AHCYL1: variants seen among roughly 807,000 people sequenced by gnomAD.
AHCYL1 encodes adenosylhomocysteinase like 1, also known as S-adenosylhomocysteine hydrolase-like protein 1.
A neutral mutation model predicts 79.3 loss-of-function variants in AHCYL1; 20 were observed. That is an observed-to-expected ratio of 0.25 (90% CI 0.18 to 0.37). The LOEUF (loss-of-function observed/expected upper bound fraction) is 0.37. AHCYL1 is among the 10% of genes least tolerant of loss of function. The pLI is 1.00. For missense variants in AHCYL1, 330 were observed against 673.6 expected (o/e 0.49, Z 5.65); for synonymous variants, 223 against 242.2 (o/e 0.92, Z 0.74).
chr1:109,999,666 A>G (rs1255685972), intron 1 of AHCYL1, among the ~76,000 whole-genome samples: 1 of 152,236 alleles, frequency 6.6e-6, no homozygotes. Context: ...AGTAGTCAGA[A>G]AGGTGGTACC....
At chr1:109,998,372 G>C (rs1356277531) in intron 1 of AHCYL1, among the ~76,000 whole-genome samples, 2 of 152,118 alleles carry the variant, frequency 1.3e-5, no homozygotes, top group East Asian at 3.9e-4. Flanking sequence ...TGTAATGCTA[G>C]CACTTTGGGA....
intron 1 of AHCYL1, among the ~76,000 whole-genome samples, chr1:110,005,249 G>T (rs1650570504): frequency 6.6e-6 from 1 of 152,134 alleles, no homozygotes; most frequent in African/African-American, 2.4e-5. Flanking sequence ...TTTGAATCTA[G>T]TTCTTGACAC....
chr1:109,993,156 T>G (rs1247639556), intron 1 of AHCYL1, among the ~76,000 whole-genome samples: 2 of 152,236 alleles, frequency 1.3e-5, no homozygotes, highest in Non-Finnish European at 2.9e-5. Flanking sequence ...TCAACTCTAC[T>G]GCTCTTCATA....
intron 11 of AHCYL1, 93 bp from the exon 12 acceptor site, chr1:110,018,280 G>A: frequency 1.7e-6 from 2 of 1,209,156 alleles, no homozygotes; most frequent in Non-Finnish European, 1.2e-6. Flanking sequence ...TTTAATGCCA[G>A]CAAGCCTCTG....
chr1:109,993,369 CT>C (rs1298082144), intron 1 of AHCYL1, among the ~76,000 whole-genome samples: 4 of 152,182 alleles, frequency 2.6e-5, no homozygotes, highest in African/African-American at 9.7e-5. Context: ...CATCATTTGA[CT>C]TTTCTAGATG....
At chr1:109,997,505 A>G (rs1650088421) in intron 1 of AHCYL1, among the ~76,000 whole-genome samples, 1 of 152,186 alleles carries the variant, frequency 6.6e-6, no homozygotes, top group South Asian at 2.1e-4. Flanking sequence ...TTTGGTCTTG[A>G]AGGGGTCTGT....
rs1412646207 is a variant in AHCYL1 at position 110,023,570 on chromosome 1, T to G, written c.*1890T>G. ...TAAGGGCTCTGTCTCTGTCAAGCCA[T>G]GTAACAAAGGACACTGTTAAAAAAA... is the stretch of plus-strand genomic sequence containing the variant. On this transcript the variant is annotated 3_prime_UTR_variant, in exon 17 of 17. Transcript: ENST00000369799. 1 of 150,940 alleles carries G rather than the reference T, an allele frequency of 6.6e-6. No individual in the cohort carries two copies. The highest frequency in any genetic ancestry group is 1.5e-5 in the Non-Finnish European group (1 of 67,898). 9.4% of individuals were successfully genotyped at this position (150,940 alleles called of 1,614,324 possible).
At chr1:110,002,317 G>A (rs1650361106) in intron 1 of AHCYL1, among the ~76,000 whole-genome samples, 1 of 152,190 alleles carries the variant, frequency 6.6e-6, no homozygotes, top group South Asian at 2.1e-4. Flanking sequence ...GGAAGAACAA[G>A]GTGAGCCTGG....
intron 6 of AHCYL1, among the ~76,000 whole-genome samples, 173 bp downstream of exon 6, chr1:110,015,030 G>C (rs1243904268): frequency 6.6e-6 from 1 of 152,196 alleles, no homozygotes; most frequent in Non-Finnish European, 1.5e-5. Context: ...ATGGAAAGGT[G>C]GGGGAAGGGT....
chr1:110,004,224 G>A (rs1428425381), intron 1 of AHCYL1: 8 of 985,510 alleles, frequency 8.1e-6, no homozygotes, highest in Non-Finnish European at 8.4e-6. Flanking sequence ...GAAGATATGT[G>A]CTGAGATTAG....
chr1:109,996,734 C>T (rs184973035), intron 1 of AHCYL1, among the ~76,000 whole-genome samples: 14 of 152,328 alleles, frequency 9.2e-5, no homozygotes, highest in Admixed American at 7.2e-4. Flanking sequence ...CACTGCACTA[C>T]GATGTCACCA....
chr1:110,014,656 T>C (rs1651289165), intron 5 of AHCYL1, 107 bp from the exon 6 acceptor site: 5 of 774,194 alleles, frequency 6.5e-6, no homozygotes, highest in Non-Finnish European at 1.0e-5. Context: ...TTTTCCCTTC[T>C]GAAATTGTTT....
chr1:110,008,968 T>TAAA, intron 1 of AHCYL1, 66 bp from the exon 2 acceptor site: 20 of 1,084,262 alleles, frequency 1.8e-5, no homozygotes, highest in East Asian at 8.9e-5. Flanking sequence ...AATGTATCCT[T>TAAA]AAAAAAAAAA....
In AHCYL1 at chr1:110,023,091, T is replaced by A. The variant is rs1471316517; in HGVS notation, c.*1411T>A. On this transcript the variant is annotated 3_prime_UTR_variant, in exon 17 of 17. Coordinates refer to ENST00000369799, the MANE Select transcript of AHCYL1 (RefSeq NM_006621.7). ...TTAAGTATATAATTATCCAGGATTT[T>A]AAATCCTCAACTTGTTCTAGCTTGT... is the stretch of plus-strand genomic sequence containing the variant. 1 of 152,642 alleles carries A rather than the reference T, an allele frequency of 6.6e-6. No homozygotes were observed. Among genetic ancestry groups the A allele is most frequent in the Non-Finnish European group, 1.5e-5 (1 of 68,038 alleles). The allele number at this position is 152,642 out of a possible 1,614,324, so 9.5% of individuals were successfully genotyped here.
rs2101731395 is a variant in AHCYL1 at position 110,012,980 on chromosome 1, T to A, written c.561T>A (p.Ala187=). 2.5e-6 allele frequency: 4 copies of A among 1,612,184 alleles called. No homozygotes were observed. The highest frequency in any genetic ancestry group is 4.5e-5 in the East Asian group (2 of 44,826). ...TCTACTCAACTCAGAATGAAGTAGCTGCAGCACTGGCTGAGGCTGGTAAGT... is the reference window on the plus strand; with the variant it reads ...TCTACTCAACTCAGAATGAAGTAGCAGCAGCACTGGCTGAGGCTGGTAAGT... The part of the protein sequence containing the change: ...CNIYSTQNEV[A]AALAEAGVAV... The change falls in exon 5 of 17, where the codon GCT becomes GCA. Residue 187 remains alanine, a synonymous_variant. Coordinates refer to ENST00000369799, the MANE Select transcript of AHCYL1 (RefSeq NM_006621.7).
At chr1:110,012,514 C>G in intron 4 of AHCYL1, 52 bp downstream of exon 4, 1 of 1,412,140 alleles carries the variant, frequency 7.1e-7, no homozygotes, top group South Asian at 1.4e-5. Flanking sequence ...AGAAAGAAAT[C>G]AATTTTTTTT....
In AHCYL1 at chr1:110,020,792, T is replaced by C. The variant is rs755703351; in HGVS notation, c.1527T>C (p.Asp509=). Residue 509 remains aspartate (D), a synonymous_variant, in exon 16 of 17, where the codon GAT becomes GAC. Transcript: ENST00000369799. ...ATGCCCACCTTACAGAGCTGACAGATGACCAAGCAAAATATCTGGGACTCA... is the reference window on the plus strand; with the variant it reads ...ATGCCCACCTTACAGAGCTGACAGACGACCAAGCAAAATATCTGGGACTCA... The part of the protein sequence containing the change: ...SFDAHLTELT[D]DQAKYLGLNK... The C allele has an allele frequency of 3.7e-6, 6 of 1,613,774 alleles. No homozygotes were observed. The South Asian group carries it at 4.4e-5, about 12-fold the overall frequency.
rs554354284 is a variant in AHCYL1, at chr1:110,003,157, T to C, written c.121-5877T>C. Among the ~76,000 whole-genome samples the C allele has an allele frequency of 1.4e-3, 215 of 152,312 alleles. 1 individual carries two copies. Among genetic ancestry groups the C allele is most frequent in the African/African-American group, 4.3e-3 (180 of 41,566 alleles). On this transcript the variant is annotated intron_variant, in intron 1 of 16. Transcript: ENST00000369799. ...GAAAATTGGGGAAATTTGAATATAATCTGGACAGTCTGGATATATGAATAT... is the reference window on the plus strand; with the variant it reads ...GAAAATTGGGGAAATTTGAATATAACCTGGACAGTCTGGATATATGAATAT...
chr1:109,984,885 G>C lies in AHCYL1; in HGVS notation c.-168G>C. 1 of 1,139,064 alleles carries C rather than the reference G, an allele frequency of 8.8e-7. No individual in the cohort carries two copies. The highest frequency in any genetic ancestry group is 2.6e-5 in the South Asian group (1 of 39,072). The allele number at this position is 1,139,064 out of a possible 1,614,324, so 70.6% of individuals were successfully genotyped here. The stretch of plus-strand genomic sequence containing the variant: ...TCCGGCTGCCTTGGGCTGCCGAACA[G>C]ACAAGGCGTGGGCCACAGCACCTCA... On this transcript the variant is annotated 5_prime_UTR_variant, in exon 1 of 17. Coordinates refer to ENST00000369799, the MANE Select transcript of AHCYL1 (RefSeq NM_006621.7).
Sources: gnomAD v4.1 joint callset for allele counts (sites outside exome capture counted in the v4.1 genomes callset) on GRCh38, gnomAD v4.1.1 for gene constraint, MANE v1.5 for transcripts, NCBI Gene and HGNC (gene_info 2026-07-23, HGNC 2026-07-21) for gene names.